Variants in SPATA6 observed in about 807,000 individuals in gnomAD.
SPATA6 encodes spermatogenesis associated 6.
In SPATA6, 56 loss-of-function variants were observed where a neutral mutation model predicts 65.3. The observed-to-expected ratio is 0.86, with a 90% CI of 0.69 to 1.07. The LOEUF (loss-of-function observed/expected upper bound fraction) is 1.07. Among genes scored for constraint, SPATA6 ranks in the 50% least tolerant of loss-of-function variants. SPATA6 has a pLI of 0.00. For synonymous variants in SPATA6, 199 were observed against 213.2 expected (o/e 0.93, Z 0.58); for missense variants, 590 against 594.8 (o/e 0.99, Z 0.08).
chr1:48,383,214 T>C (rs1648967337), intron 9 of SPATA6, among the ~76,000 whole-genome samples: 1 of 76,348 alleles, frequency 1.3e-5, no homozygotes, highest in African/African-American at 4.4e-5. Flanking sequence ...ACGGGGCGTC[T>C]GGCCGGGCAG....
intron 12 of SPATA6, among the ~76,000 whole-genome samples, chr1:48,305,208 T>A (rs1390150124): frequency 6.6e-6 from 1 of 152,202 alleles, no homozygotes; most frequent in Admixed American, 6.5e-5. Flanking sequence ...GTTTCTTATG[T>A]TTGTTCCTCA....
At chr1:48,400,838 C>T (rs1358317672) in intron 6 of SPATA6, 2 of 1,267,630 alleles carry the variant, frequency 1.6e-6, no homozygotes, top group Non-Finnish European at 2.1e-6. Flanking sequence ...GGACCTTCTC[C>T]ACCTTGTTCA....
the SPATA6 span, among the ~76,000 whole-genome samples, chr1:48,277,709 AAGG>A: frequency 6.6e-6 from 1 of 152,234 alleles, no homozygotes; most frequent in Admixed American, 6.5e-5. Flanking sequence ...ACCACAGCTC[AAGG>A]AGGCCTGCCT....
intron 11 of SPATA6, among the ~76,000 whole-genome samples, chr1:48,340,198 A>G (rs1039458884): frequency 6.7e-6 from 1 of 149,862 alleles, no homozygotes; most frequent in Non-Finnish European, 1.5e-5. Context: ...TAGATACTAA[A>G]GACAATTAAA....
At chr1:48,366,095 T>G (rs576684413) in intron 9 of SPATA6, among the ~76,000 whole-genome samples, 1 of 152,228 alleles carries the variant, frequency 6.6e-6, no homozygotes, top group Non-Finnish European at 1.5e-5. Context: ...CTGAATTACA[T>G]TTATTGATTT....
intron 3 of SPATA6, chr1:48,436,316 C>G: frequency 6.2e-7 from 1 of 1,613,068 alleles, no homozygotes; most frequent in Non-Finnish European, 8.5e-7. Context: ...TTCCGGCATC[C>G]CAATATTACA....
At chr1:48,418,796 G>A (rs752538701) in intron 3 of SPATA6, among the ~76,000 whole-genome samples, 41 of 80,430 alleles carry the variant, frequency 5.1e-4, no homozygotes, top group Non-Finnish European at 1.0e-3. Context: ...AGGGAAGGAA[G>A]GAAGGAGGGA....
intron 11 of SPATA6, among the ~76,000 whole-genome samples, chr1:48,316,862 T>G (rs368598424): frequency 6.6e-6 from 1 of 151,912 alleles, no homozygotes; most frequent in Non-Finnish European, 1.5e-5. Flanking sequence ...TCAAAAAGTG[T>G]GCAAAGGATA....
intron 10 of SPATA6, among the ~76,000 whole-genome samples, chr1:48,356,102 A>T (rs1268943756): frequency 6.6e-6 from 1 of 152,202 alleles, no homozygotes; most frequent in Non-Finnish European, 1.5e-5. Context: ...AAATGAAACA[A>T]AATGTGTATA....
At chr1:48,278,743 G>A in the SPATA6 span, among the ~76,000 whole-genome samples, 3 of 152,206 alleles carry the variant, frequency 2.0e-5, no homozygotes, top group Non-Finnish European at 4.4e-5. Flanking sequence ...ATGGAACCAA[G>A]TTGGAAAACA....
chr1:48,447,699 T>C (rs1199402490), intron 3 of SPATA6, among the ~76,000 whole-genome samples: 1 of 152,144 alleles, frequency 6.6e-6, no homozygotes, highest in Non-Finnish European at 1.5e-5. Context: ...TCCTACAAAT[T>C]ATGTTCTCTC....
chr1:48,295,334 C>T (rs539879444), downstream of SPATA6: 1 of 152,100 alleles, frequency 6.6e-6, no homozygotes, highest in Non-Finnish European at 1.5e-5. Context: ...GTGGAAACAA[C>T]CAAAATATCT....
intron 3 of SPATA6, among the ~76,000 whole-genome samples, chr1:48,428,807 G>GTATATA (rs1219569671): frequency 1.1e-3 from 122 of 115,542 alleles, no homozygotes; most frequent in African/African-American, 3.8e-3. Context: ...GTGTGTGTGT[G>GTATATA]TGTATATGTA....
At chr1:48,349,032 T>G (rs1171160345) in intron 11 of SPATA6, among the ~76,000 whole-genome samples, 1 of 152,028 alleles carries the variant, frequency 6.6e-6, no homozygotes, top group African/African-American at 2.4e-5. Flanking sequence ...GTTATCAAAC[T>G]CCTGGCACTT....
intron 9 of SPATA6, among the ~76,000 whole-genome samples, chr1:48,370,955 A>G (rs925195497): frequency 2.0e-5 from 3 of 152,236 alleles, no homozygotes; most frequent in Non-Finnish European, 4.4e-5. Context: ...AAGAAAGAAA[A>G]CATTCCCAAC....
intron 3 of SPATA6, among the ~76,000 whole-genome samples, chr1:48,426,835 C>T (rs886626713): frequency 6.6e-6 from 1 of 151,056 alleles, no homozygotes; most frequent in Non-Finnish European, 1.5e-5. Context: ...ATACAAGAAA[C>T]TGAAGAACTA....
intron 5 of SPATA6, among the ~76,000 whole-genome samples, chr1:48,408,840 T>C (rs1052944123): frequency 3.9e-5 from 6 of 152,130 alleles, no homozygotes; most frequent in African/African-American, 1.4e-4. Flanking sequence ...GAGAACAGCG[T>C]GAGAAAGACC....
At chr1:48,411,366 T>A in intron 5 of SPATA6, 98 bp downstream of exon 5, 1 of 1,347,864 alleles carries the variant, frequency 7.4e-7, no homozygotes, top group Non-Finnish European at 9.8e-7. Context: ...AATTACACTT[T>A]GAATTTGTTC....
chr1:48,269,978 G>A, the SPATA6 span, among the ~76,000 whole-genome samples: 1 of 151,602 alleles, frequency 6.6e-6, no homozygotes, highest in Non-Finnish European at 1.5e-5. Context: ...CAATTCTATG[G>A]CAGCTGTTCA....
Sources: gnomAD v4.1 joint callset for allele counts (sites outside exome capture counted in the v4.1 genomes callset) on GRCh38, gnomAD v4.1.1 for gene constraint, MANE v1.5 for transcripts, NCBI Gene and HGNC (gene_info 2026-07-23, HGNC 2026-07-21) for gene names.